The following LDLRAD4 variants were observed in gnomAD, a reference collection of about 807,000 sequenced individuals.
LDLRAD4 encodes low-density lipoprotein receptor class A domain-containing protein 4.
In LDLRAD4, 5 loss-of-function variants were observed where a neutral mutation model predicts 17.0. The observed-to-expected ratio is 0.29, with a 90% CI of 0.15 to 0.62. The LOEUF (loss-of-function observed/expected upper bound fraction) is 0.62. Among genes scored for constraint, LDLRAD4 ranks in the 20% least tolerant of loss-of-function variants. LDLRAD4 has a pLI of 0.84. For synonymous variants in LDLRAD4, 168 were observed against 171.8 expected (o/e 0.98, Z 0.17); for missense variants, 340 against 424.7 (o/e 0.80, Z 1.75).
At chr18:13,556,550 A>T (rs1486445451) in intron 3 of LDLRAD4, among the ~76,000 whole-genome samples, 1 of 152,230 alleles carries the variant, frequency 6.6e-6, no homozygotes, top group Non-Finnish European at 1.5e-5. Context: ...TCAAATAACC[A>T]CATAGACCAA....
intron 3 of LDLRAD4, among the ~76,000 whole-genome samples, chr18:13,527,099 C>T (rs1248709409): frequency 3.3e-5 from 5 of 152,258 alleles, no homozygotes; most frequent in South Asian, 2.1e-4. Context: ...GGGCTGGAAC[C>T]TCATGTCCTG....
intron 4 of LDLRAD4, among the ~76,000 whole-genome samples, chr18:13,628,422 C>T (rs922883071): frequency 1.3e-5 from 2 of 152,242 alleles, no homozygotes; most frequent in African/African-American, 4.8e-5. Flanking sequence ...CCAGTGACAG[C>T]TCTCCGTTAC....
At chr18:13,318,532 G>A (rs949754415) in intron 1 of LDLRAD4, among the ~76,000 whole-genome samples, 1 of 152,148 alleles carries the variant, frequency 6.6e-6, no homozygotes, top group African/African-American at 2.4e-5. Context: ...AAAATGCTGG[G>A]ATTCATAGTG....
intron 1 of LDLRAD4, among the ~76,000 whole-genome samples, chr18:13,284,114 C>A (rs1254424358): frequency 6.6e-6 from 1 of 152,130 alleles, no homozygotes; most frequent in Non-Finnish European, 1.5e-5. Flanking sequence ...CAAACCAAAT[C>A]AAGGGTTAAG....
intron 4 of LDLRAD4, chr18:13,641,815 G>C (rs1250277481): frequency 1.0e-6 from 1 of 985,576 alleles, no homozygotes; most frequent in Non-Finnish European, 1.2e-6. Context: ...ACTTGGCCGG[G>C]TTTGCTGGTT....
At chr18:13,547,947 T>C (rs973953584) in intron 3 of LDLRAD4, among the ~76,000 whole-genome samples, 4 of 152,200 alleles carry the variant, frequency 2.6e-5, no homozygotes, top group African/African-American at 9.6e-5. Context: ...TCCTGAGTTC[T>C]TGTCCTGCAT....
intron 3 of LDLRAD4, among the ~76,000 whole-genome samples, chr18:13,545,390 A>C (rs1425220579): frequency 6.6e-6 from 1 of 152,224 alleles, no homozygotes; most frequent in Non-Finnish European, 1.5e-5. Flanking sequence ...GCAACACCAA[A>C]ATGTATGGTG....
At chr18:13,464,543 T>C (rs1038676149) in intron 3 of LDLRAD4, among the ~76,000 whole-genome samples, 1 of 152,186 alleles carries the variant, frequency 6.6e-6, no homozygotes, top group Non-Finnish European at 1.5e-5. Context: ...TTAGATCAGG[T>C]CTTCCTTTTT....
Position 13,645,557 on chromosome 18 carries a change from A to T in LDLRAD4, c.821A>T (p.Asn274Ile). ...TCTTTCCTCCATCACCAGCGCAGCAACGCACACAGGGGCAGCAGACTGCAG... is the reference window on the plus strand; with the variant it reads ...TCTTTCCTCCATCACCAGCGCAGCATCGCACACAGGGGCAGCAGACTGCAG... The change falls in exon 6 of 6, where the codon AAC becomes ATC. Residue 274 changes from asparagine to isoleucine, a missense_variant. Coordinates refer to ENST00000359446, the Ensembl canonical transcript of LDLRAD4. This position sits in a 1 kb window ranked among gnomAD's most constrained non-coding sequence, Gnocchi z 5.7. 6.2e-7 allele frequency: 1 copy of T among 1,609,586 alleles called. No homozygotes were observed. Among genetic ancestry groups the T allele is most frequent in the Non-Finnish European group, 8.5e-7 (1 of 1,177,870 alleles).
intron 3 of LDLRAD4, among the ~76,000 whole-genome samples, chr18:13,555,784 A>G (rs919556617): frequency 2.6e-5 from 4 of 152,232 alleles, no homozygotes; most frequent in Non-Finnish European, 5.9e-5. Context: ...TATAAAGTAT[A>G]TAATAATTAA....
chr18:13,218,080 G>C (rs1357182136), upstream of LDLRAD4: 1 of 151,734 alleles, frequency 6.6e-6, no homozygotes, highest in Non-Finnish European at 1.5e-5. Context: ...CCTCCGCTCC[G>C]GGGGGGCGGC....
At chr18:13,337,541 A>G (rs1007386699) in intron 1 of LDLRAD4, among the ~76,000 whole-genome samples, 1 of 152,204 alleles carries the variant, frequency 6.6e-6, no homozygotes, top group Non-Finnish European at 1.5e-5. Context: ...AAGTGGTTTC[A>G]CAAAGGTTAA....
intron 3 of LDLRAD4, among the ~76,000 whole-genome samples, chr18:13,517,720 T>A (rs2093888753): frequency 6.6e-6 from 1 of 150,980 alleles, no homozygotes; most frequent in Non-Finnish European, 1.5e-5. Context: ...TCTTATAATA[T>A]GTCTGGACAT....
chr18:13,573,988 G>A (rs1044228947), intron 3 of LDLRAD4, among the ~76,000 whole-genome samples: 1 of 152,216 alleles, frequency 6.6e-6, no homozygotes, highest in Non-Finnish European at 1.5e-5. Context: ...TCTCACCAGA[G>A]TGAGGCTTGT....
intron 1 of LDLRAD4, among the ~76,000 whole-genome samples, chr18:13,371,491 G>T (rs995989370): frequency 3.9e-5 from 6 of 152,140 alleles, no homozygotes; most frequent in African/African-American, 1.4e-4. Flanking sequence ...ACAGTTGGCC[G>T]GGCGCAGTGG....
intron 3 of LDLRAD4, chr18:13,521,533 CTT>C (rs917404214): frequency 6.6e-6 from 1 of 152,078 alleles, no homozygotes; most frequent in Admixed American, 6.6e-5. Context: ...AGTGGAATAA[CTT>C]GGGAGGTGGT....
chr18:13,545,992 C>T (rs1383997736), intron 3 of LDLRAD4, among the ~76,000 whole-genome samples: 1 of 152,152 alleles, frequency 6.6e-6, no homozygotes, highest in Non-Finnish European at 1.5e-5. Context: ...ATGCAGTGTT[C>T]ATAACTGTGG....
intron 2 of LDLRAD4, among the ~76,000 whole-genome samples, chr18:13,401,372 A>G (rs76598866): frequency 0.011 from 260 of 22,730 alleles, no homozygotes; most frequent in Non-Finnish European, 0.035. Context: ...ATCGCTTTGA[A>G]AAAAAAAAAA....
In LDLRAD4 at chr18:13,396,589, T is replaced by C. The variant is rs533222397; in HGVS notation, c.40+8827T>C. Among the ~76,000 whole-genome samples the C allele has an allele frequency of 1.3e-4, 20 of 152,334 alleles. No individual in the cohort carries two copies. The East Asian group carries it at 3.7e-3, about 28-fold the overall frequency. Reference sequence around the variant, plus strand: ...GTCTCAACCTCCTGGGCTCAAGTGATCCTCCCGTCTTGGCCTCTTGAGTAG... The same window carrying C: ...GTCTCAACCTCCTGGGCTCAAGTGACCCTCCCGTCTTGGCCTCTTGAGTAG... On this transcript the variant is annotated intron_variant, in intron 2 of 5. Transcript: ENST00000359446.
Sources: allele counts gnomAD v4.1 joint callset (sites outside exome capture counted in the v4.1 genomes callset), GRCh38; gene constraint gnomAD v4.1.1; non-coding constraint Gnocchi (gnomAD v3.1); transcripts MANE v1.5; gene names NCBI Gene and HGNC (gene_info 2026-07-23, HGNC 2026-07-21).